Variants in PRMT9 observed in about 807,000 individuals in gnomAD.
The protein encoded by PRMT9 is protein arginine N-methyltransferase 9.
In PRMT9, 59 loss-of-function variants were observed where a neutral mutation model predicts 83.2. The ratio of observed to expected loss-of-function variants is 0.71; its 90% CI spans 0.57 to 0.88. The LOEUF (loss-of-function observed/expected upper bound fraction) is 0.88, where lower values mean the gene tolerates loss of function less well. PRMT9 is among the 40% of genes least tolerant of loss of function. The pLI is 0.00. For missense variants in PRMT9, 947 were observed against 1,021.9 expected (o/e 0.93, Z 1.00); for synonymous variants, 333 against 353.2 (o/e 0.94, Z 0.64).
At chr4:147,661,837 G>T (rs918608189) in intron 6 of PRMT9, among the ~76,000 whole-genome samples, 56 of 146,032 alleles carry the variant, frequency 3.8e-4, no homozygotes, top group Admixed American at 1.4e-3. Context: ...CTACGCATCT[G>T]ACAGAATGGA....
chr4:147,646,728 G>T (rs1733755932), intron 9 of PRMT9, among the ~76,000 whole-genome samples: 1 of 152,174 alleles, frequency 6.6e-6, no homozygotes, highest in South Asian at 2.1e-4. Flanking sequence ...CCTTTTGAGT[G>T]TACTACAATT....
rs1387703758 is a variant in PRMT9 at position 147,638,173 on chromosome 4, A to G, written c.*359T>C. Reference sequence around the variant, plus strand: ...AGTGGAAGCCTTTCAGTGTTTCCCAATTACAAGTTTGGATTTAAGAAAAAA... The same window carrying G: ...AGTGGAAGCCTTTCAGTGTTTCCCAGTTACAAGTTTGGATTTAAGAAAAAA... On this transcript the variant is annotated 3_prime_UTR_variant, in exon 12 of 12. Coordinates refer to ENST00000322396, the MANE Select transcript of PRMT9 (RefSeq NM_138364.4). 3.7e-6 allele frequency: 1 copy of G among 272,670 alleles called. No individual in the cohort carries two copies. The highest frequency in any genetic ancestry group is 7.1e-6 in the Non-Finnish European group (1 of 141,562). The allele number at this position is 272,670 out of a possible 1,614,324, so 16.9% of individuals were successfully genotyped here.
chr4:147,661,747 G>A (rs141931125), intron 6 of PRMT9, among the ~76,000 whole-genome samples: 1,516 of 120,552 alleles, frequency 0.013, 33 homozygotes, highest in African/African-American at 0.042. Flanking sequence ...CCGAGATCAC[G>A]CCACTGCACT....
chr4:147,644,539 T>TA (rs35094215), intron 9 of PRMT9, among the ~76,000 whole-genome samples: 11,866 of 111,892 alleles, frequency 0.11, 1,464 homozygotes, highest in African/African-American at 0.29. Flanking sequence ...TGCTTATGGT[T>TA]AAAAAAAAAA....
rs528315267 is a variant in PRMT9, at chr4:147,654,421, C to T, written c.1476G>A (p.Ser492=). 9.2e-4 allele frequency: 1,493 copies of T among 1,614,142 alleles called. 27 individuals are homozygous for T. In the South Asian group the frequency reaches 0.014, roughly 15 times the overall value. Reference sequence around the variant, plus strand: ...TACAAAGTTCAGCCTCATTTCCTAACGATAACAAGTCTTTATTCTGGGTAA... The same window carrying T: ...TACAAAGTTCAGCCTCATTTCCTAATGATAACAAGTCTTTATTCTGGGTAA... ...KSFTQNKDLL[S]LGNEAELCSA... is the part of the protein sequence containing the mutation. The change falls in exon 9 of 12, where the codon TCG becomes TCA. Residue 492 remains serine, a synonymous_variant. Coordinates refer to ENST00000322396, the MANE Select transcript of PRMT9 (RefSeq NM_138364.4).
chr4:147,656,664 CAA>C (rs1290305725), intron 8 of PRMT9, among the ~76,000 whole-genome samples: 1 of 145,036 alleles, frequency 6.9e-6, no homozygotes, highest in African/African-American at 2.5e-5. Flanking sequence ...CCCATATACT[CAA>C]GAGACTGAGG....
chr4:147,661,562 G>A (rs914746147), intron 6 of PRMT9, among the ~76,000 whole-genome samples: 8 of 151,956 alleles, frequency 5.3e-5, no homozygotes, highest in South Asian at 2.1e-4. Flanking sequence ...AGGCCAAGGC[G>A]GGTGGATCAC....
chr4:147,637,860 T>A lies in PRMT9; in HGVS notation c.*672A>T, dbSNP rs1733119626. 1 of 152,538 alleles carries A rather than the reference T, an allele frequency of 6.6e-6. No homozygotes were observed. Among genetic ancestry groups the A allele is most frequent in the Admixed American group, 6.5e-5 (1 of 15,292 alleles). The allele number at this position is 152,538 out of a possible 1,614,324, so 9.4% of individuals were successfully genotyped here. On this transcript the variant is annotated 3_prime_UTR_variant, in exon 12 of 12. Coordinates refer to ENST00000322396, the MANE Select transcript of PRMT9 (RefSeq NM_138364.4). ...GATCAATTAATGTACTTATTGTACA[T>A]CCAAATCAAAACTTTGAAAAATAGT...
At chr4:147,647,846 C>T (rs1433228131) in intron 9 of PRMT9, among the ~76,000 whole-genome samples, 2 of 152,156 alleles carry the variant, frequency 1.3e-5, no homozygotes, top group African/African-American at 4.8e-5. Flanking sequence ...CTGCTGTTCT[C>T]ACTGTATTGG....
chr4:147,655,659 C>T (rs1379325907), intron 8 of PRMT9, among the ~76,000 whole-genome samples: 2 of 152,056 alleles, frequency 1.3e-5, no homozygotes, highest in Non-Finnish European at 2.9e-5. Flanking sequence ...CTCCCCACCT[C>T]AGCCTCCAGA....
intron 6 of PRMT9, 55 bp downstream of exon 6, chr4:147,668,484 T>C: frequency 9.6e-7 from 1 of 1,039,050 alleles, no homozygotes; most frequent in South Asian, 1.3e-5. Flanking sequence ...CTTTATAAAT[T>C]ACCCAATCTT....
intron 9 of PRMT9, among the ~76,000 whole-genome samples, chr4:147,653,631 G>C (rs2126592923): frequency 6.6e-6 from 1 of 152,140 alleles, no homozygotes; most frequent in Admixed American, 6.5e-5. Flanking sequence ...ATGGGAACGT[G>C]TCAAAAAGAC....
intron 6 of PRMT9, among the ~76,000 whole-genome samples, chr4:147,661,957 G>A (rs1734993423): frequency 6.6e-6 from 1 of 152,094 alleles, no homozygotes; most frequent in Non-Finnish European, 1.5e-5. Context: ...ACCAATTCGA[G>A]CTGAGCATAC....
intron 7 of PRMT9, among the ~76,000 whole-genome samples, chr4:147,659,326 G>A (rs1359590575): frequency 2.6e-5 from 4 of 151,144 alleles, no homozygotes; most frequent in African/African-American, 4.9e-5. Flanking sequence ...ACTTGAACCC[G>A]AAAAGTGGAG....
At chr4:147,648,772 A>G (rs951714926) in intron 9 of PRMT9, among the ~76,000 whole-genome samples, 1 of 150,128 alleles carries the variant, frequency 6.7e-6, no homozygotes. Context: ...TATGCTTGCA[A>G]TTTTTTTTTT....
At chr4:147,673,978 A>C (rs1578933854) in intron 2 of PRMT9, 104 bp from the exon 3 acceptor site, 1 of 919,528 alleles carries the variant, frequency 1.1e-6, no homozygotes. Context: ...CCATGCCAGC[A>C]CCCCAAATCC....
chr4:147,662,983 T>C (rs1220924739), intron 6 of PRMT9, among the ~76,000 whole-genome samples: 2 of 151,946 alleles, frequency 1.3e-5, no homozygotes, highest in African/African-American at 2.4e-5. Context: ...TCTCAAAAGA[T>C]GAATCAGCAA....
chr4:147,673,657 C>G lies in PRMT9; in HGVS notation c.556G>C (p.Ala186Pro). The change falls in exon 3 of 12, where the codon GCA becomes CCA. Residue 186 changes from alanine to proline, a missense_variant. By Grantham distance (27) the Ala-to-Pro change is conservative (BLOSUM62 -1). Transcript: ENST00000322396. ...ACCAACCTTAGTATTCCAGTTCCTGCTCCAATGTCCAAAACACTTTTGGAC... is the reference window on the plus strand; with the variant it reads ...ACCAACCTTAGTATTCCAGTTCCTGGTCCAATGTCCAAAACACTTTTGGAC... ...LGSKSVLDIG[A>P]GTGILSMFAK... 1 of 1,609,178 alleles carries G rather than the reference C, an allele frequency of 6.2e-7. No homozygotes were observed. Among genetic ancestry groups the G allele is most frequent in the Non-Finnish European group, 8.5e-7 (1 of 1,175,576 alleles).
At chr4:147,674,833 T>C (rs914435476) in intron 2 of PRMT9, among the ~76,000 whole-genome samples, 6 of 152,176 alleles carry the variant, frequency 3.9e-5, no homozygotes, top group Non-Finnish European at 8.8e-5. Flanking sequence ...TTACTCTCAA[T>C]TTCTATACTT....
Sources: allele counts gnomAD v4.1 joint callset (sites outside exome capture counted in the v4.1 genomes callset), GRCh38; gene constraint gnomAD v4.1.1; transcripts MANE v1.5; gene names NCBI Gene and HGNC (gene_info 2026-07-23, HGNC 2026-07-21).